Variants in PDE2A observed in about 807,000 individuals in gnomAD.
PDE2A encodes cGMP-dependent 3',5'-cyclic phosphodiesterase.
PDE2A carries 53 observed loss-of-function variants against 133.6 expected under a neutral mutation model. The ratio of observed to expected loss-of-function variants is 0.40; its 90% CI spans 0.32 to 0.50. The LOEUF (loss-of-function observed/expected upper bound fraction) is 0.50. PDE2A is among the 20% of genes least tolerant of loss of function. The pLI is 0.73. For missense variants in PDE2A, 796 were observed against 1,232.4 expected (o/e 0.65, Z 5.30); for synonymous variants, 491 against 490.2 (o/e 1.00, Z -0.02).
intron 1 of PDE2A, among the ~76,000 whole-genome samples, chr11:72,647,894 T>G (rs1333541250): frequency 3.9e-5 from 6 of 152,196 alleles, no homozygotes; most frequent in African/African-American, 1.4e-4. Flanking sequence ...GTGGTATAGC[T>G]GAACTTATAT....
chr11:72,586,183 TGGA>T lies in PDE2A; in HGVS notation c.1071-5_1071-3del, dbSNP rs1249690328. 6.4e-7 allele frequency: 1 copy of T among 1,556,606 alleles called. No homozygotes were observed. Among genetic ancestry groups the T allele is most frequent in the East Asian group, 2.2e-5 (1 of 44,446 alleles). On this transcript the variant is annotated splice_polypyrimidine_tract_variant and splice_region_variant and intron_variant, in intron 13 of 30. Transcript: ENST00000334456. ...ACATGCTCGTCCTCGTCGGTGAACC[TGGA>T]GGAGGGGGTGGGCTCACTCAGGAGG...
rs1855581722 is a variant in PDE2A, at chr11:72,578,835, G to A, written c.2469+62C>T. The A allele has an allele frequency of 9.9e-7, 1 of 1,007,398 alleles. No homozygotes were observed. The highest frequency in any genetic ancestry group is 1.3e-5 in the South Asian group (1 of 76,164). The allele number at this position is 1,007,398 out of a possible 1,614,324, so 62.4% of individuals were successfully genotyped here. On this transcript the variant is annotated intron_variant, in intron 28 of 30. Transcript: ENST00000334456. This position sits in a 1 kb window ranked among gnomAD's most constrained non-coding sequence, Gnocchi z 4.2. ...AGCAGAGAGAGGGTATTCAGGCACAGGGGGCACCCAAAGCTGGGCAGGGTG... is the reference window on the plus strand; with the variant it reads ...AGCAGAGAGAGGGTATTCAGGCACAAGGGGCACCCAAAGCTGGGCAGGGTG...
At chr11:72,655,594 T>C (rs977206114) in intron 1 of PDE2A, among the ~76,000 whole-genome samples, 3 of 151,904 alleles carry the variant, frequency 2.0e-5, no homozygotes, top group Non-Finnish European at 4.4e-5. Flanking sequence ...GCCATAAGGA[T>C]GTGGGTTCAA....
intron 3 of PDE2A, among the ~76,000 whole-genome samples, chr11:72,607,047 TG>T (rs1335403142): frequency 6.6e-6 from 1 of 152,050 alleles, no homozygotes; most frequent in Non-Finnish European, 1.5e-5. Context: ...CTTCCCTCCC[TG>T]GGGGCAGCAG....
rs1390597493 is a variant in PDE2A at position 72,634,399 on chromosome 11, G to T, written c.144+7855C>A. Among the ~76,000 whole-genome samples the T allele has an allele frequency of 2.0e-5, 3 of 152,338 alleles. No individual in the cohort carries two copies. The East Asian group carries it at 5.8e-4, about 29-fold the overall frequency. On this transcript the variant is annotated intron_variant, in intron 2 of 30. Transcript: ENST00000334456. ...CCACCTCCACTCCTGCCCCTCAGGTGTCCCAGGGGAAGTGGGGGAGGCTGT... is the reference window on the plus strand; with the variant it reads ...CCACCTCCACTCCTGCCCCTCAGGTTTCCCAGGGGAAGTGGGGGAGGCTGT...
intron 5 of PDE2A, among the ~76,000 whole-genome samples, 176 bp from the exon 6 acceptor site, chr11:72,596,824 C>A (rs1856513757): frequency 6.6e-6 from 1 of 152,104 alleles, no homozygotes; most frequent in Non-Finnish European, 1.5e-5. Context: ...GCAACAAAAA[C>A]AACCACAGCA....
chr11:72,641,035 C>T (rs1163840882), intron 2 of PDE2A, among the ~76,000 whole-genome samples: 4 of 152,296 alleles, frequency 2.6e-5, no homozygotes, highest in East Asian at 1.9e-4. Context: ...CAACCCAGCC[C>T]GTGCTACACA....
intron 25 of PDE2A, 22 bp from the exon 26 acceptor site, chr11:72,579,630 G>T (rs752394714): frequency 1.3e-6 from 2 of 1,567,250 alleles, no homozygotes; most frequent in Non-Finnish European, 1.8e-6. Context: ...GGAGTGATGG[G>T]GGCCCAGCTG....
chr11:72,579,641 G>A (rs750983488), intron 25 of PDE2A, 33 bp from the exon 26 acceptor site: 2 of 1,453,150 alleles, frequency 1.4e-6, no homozygotes, highest in Admixed American at 1.7e-5. Context: ...GGCCCAGCTG[G>A]GGCAGATGGG....
At chr11:72,634,208 CG>C (rs1432624907) in intron 2 of PDE2A, among the ~76,000 whole-genome samples, 1 of 152,042 alleles carries the variant, frequency 6.6e-6, no homozygotes, top group Non-Finnish European at 1.5e-5. Flanking sequence ...CAGGAGGGCC[CG>C]GGGAGGCACA....
intron 4 of PDE2A, among the ~76,000 whole-genome samples, chr11:72,603,862 C>T (rs577145787): frequency 2.6e-5 from 4 of 152,258 alleles, no homozygotes; most frequent in South Asian, 4.1e-4. Context: ...ACTCCTTCCA[C>T]GGGAAAGGGC....
chr11:72,654,641 T>G (rs1369605786), intron 1 of PDE2A, among the ~76,000 whole-genome samples: 1 of 151,906 alleles, frequency 6.6e-6, no homozygotes. Flanking sequence ...AAGCTACCTG[T>G]CCTTGGGATT....
intron 6 of PDE2A, among the ~76,000 whole-genome samples, chr11:72,593,959 C>T (rs1269249353): frequency 6.6e-6 from 1 of 152,154 alleles, no homozygotes; most frequent in Non-Finnish European, 1.5e-5. Flanking sequence ...GAGATGGAGT[C>T]GCACTCTATT....
At chr11:72,591,431 G>A (rs762252983) in intron 6 of PDE2A, 75 bp from the exon 7 acceptor site, 5 of 1,116,266 alleles carry the variant, frequency 4.5e-6, no homozygotes, top group East Asian at 2.4e-5. Context: ...CTCCCCATGC[G>A]CAGCACACAC....
intron 1 of PDE2A, chr11:72,657,761 T>A: frequency 2.2e-6 from 1 of 453,626 alleles, no homozygotes; most frequent in Admixed American, 2.4e-5. Context: ...TTGAACTCCA[T>A]CACCCCAATC....
chr11:72,579,363 A>G lies in PDE2A; in HGVS notation c.2277T>C (p.Asp759=), dbSNP rs145036254. Residue 759 remains aspartate (D), a synonymous_variant, in exon 27 of 31, where the codon GAT becomes GAC. Coordinates refer to ENST00000334456, the MANE Select transcript of PDE2A (RefSeq NM_002599.5). ...TGGCCAAGATGATGTCCCGCATCAG[A>G]TCCAGCATGCGCTGATAGTCCTGAG... The part of the protein sequence containing the change: ...FSRKDYQRML[D]LMRDIILATD... 5.0e-6 allele frequency: 8 copies of G among 1,613,644 alleles called. No individual in the cohort carries two copies. Among genetic ancestry groups the G allele is most frequent in the Non-Finnish European group, 6.8e-6 (8 of 1,179,860 alleles).
rs761031638 is a variant in PDE2A, at chr11:72,578,205, T to C, written c.2615+28A>G. 3 of 1,373,768 alleles carry C rather than the reference T, an allele frequency of 2.2e-6. No individual in the cohort carries two copies. In the Admixed American group the frequency reaches 5.0e-5, roughly 23 times the overall value. 85.1% of individuals were successfully genotyped at this position (1,373,768 alleles called of 1,614,324 possible). A position where few individuals can be genotyped will look rare whatever the true frequency, so the allele number is the denominator to read the frequency against. ...TCCAGCCTACCCTCTCTGTGCAGGG[T>C]GCAGCTTGTCCCCATGAGCTCACTC... On this transcript the variant is annotated intron_variant, in intron 30 of 30. Transcript: ENST00000334456. The surrounding 1 kb of genome is among the most constrained non-coding windows in gnomAD (Gnocchi z 4.2).
intron 1 of PDE2A, among the ~76,000 whole-genome samples, chr11:72,654,220 C>A (rs1338126337): frequency 6.6e-6 from 1 of 152,174 alleles, no homozygotes; most frequent in Non-Finnish European, 1.5e-5. Context: ...GCGCTGGGAC[C>A]AGGGGAGGCA....
At chr11:72,588,395 A>C (rs1269764416) in intron 13 of PDE2A, among the ~76,000 whole-genome samples, 2 of 152,112 alleles carry the variant, frequency 1.3e-5, no homozygotes, top group Non-Finnish European at 2.9e-5. Flanking sequence ...AAAGATCCAC[A>C]GCTTTTCCCA....
Sources: gnomAD v4.1 joint callset for allele counts (sites outside exome capture counted in the v4.1 genomes callset) on GRCh38, gnomAD v4.1.1 for gene constraint, Gnocchi (gnomAD v3.1) non-coding constraint, MANE v1.5 for transcripts, NCBI Gene and HGNC (gene_info 2026-07-23, HGNC 2026-07-21) for gene names.